The following ADARB2 variants were observed in gnomAD, a reference collection of about 807,000 sequenced individuals.
ADARB2 encodes the protein inactive double-stranded RNA-specific editase B2.
Under a neutral mutation model 62.2 loss-of-function variants are expected in ADARB2, and 25 were observed. That is an observed-to-expected ratio of 0.40 (90% CI 0.29 to 0.56). ADARB2 has a LOEUF of 0.56. ADARB2 is among the 20% of genes least tolerant of loss of function. The pLI is 0.43. For synonymous variants in ADARB2, 572 were observed against 500.8 expected (o/e 1.14, Z -1.90); for missense variants, 1,071 against 1,077.4 (o/e 0.99, Z 0.08).
At chr10:1,654,774 A>C (rs551358308) in intron 1 of ADARB2, among the ~76,000 whole-genome samples, 49 of 152,352 alleles carry the variant, frequency 3.2e-4, no homozygotes, top group Non-Finnish European at 5.4e-4. Context: ...CGACTCTACC[A>C]GGTTGGCCCT....
At chr10:1,683,542 A>G (rs11250726) in intron 1 of ADARB2, among the ~76,000 whole-genome samples, 25,824 of 152,066 alleles carry the variant, frequency 0.17, 2,422 homozygotes, top group African/African-American at 0.25. Context: ...CAGGGAGTGG[A>G]GTCTGTTTGC....
chr10:1,524,555 C>T (rs748188430), intron 1 of ADARB2, among the ~76,000 whole-genome samples: 5 of 152,180 alleles, frequency 3.3e-5, no homozygotes, highest in African/African-American at 7.2e-5. Flanking sequence ...AGCAACAGCC[C>T]TAATGAAAAA....
At chr10:1,376,504 G>C (rs180866551) in intron 2 of ADARB2, among the ~76,000 whole-genome samples, 3 of 152,316 alleles carry the variant, frequency 2.0e-5, no homozygotes, top group East Asian at 3.9e-4. Flanking sequence ...GCCCAGTGTG[G>C]GGGTTCTTAT....
chr10:1,482,127 C>T (rs1008425997), intron 1 of ADARB2, among the ~76,000 whole-genome samples: 10 of 152,190 alleles, frequency 6.6e-5, no homozygotes, highest in Non-Finnish European at 1.3e-4. Context: ...GAAACTGAAA[C>T]TTGTAAATTG....
intron 1 of ADARB2, among the ~76,000 whole-genome samples, chr10:1,504,810 G>A (rs1318387727): frequency 1.3e-5 from 2 of 152,178 alleles, no homozygotes; most frequent in African/African-American, 4.8e-5. Flanking sequence ...CAAGGGGGTA[G>A]TTGTTGCCGG....
chr10:1,395,766 G>A lies in ADARB2; in HGVS notation c.101-16606C>T, dbSNP rs1019583246. On this transcript the variant is annotated intron_variant, in intron 1 of 9. Coordinates refer to ENST00000381312, the MANE Select transcript of ADARB2 (RefSeq NM_018702.4). Reference sequence around the variant, plus strand: ...ACAAGGACCGGGAGTGCAGCAGGGTGGGGGGCTGCCCTCCTGTGATGGCCA... The same window carrying A: ...ACAAGGACCGGGAGTGCAGCAGGGTAGGGGGCTGCCCTCCTGTGATGGCCA... 5.3e-5 allele frequency among the ~76,000 whole-genome samples: 8 copies of A among 152,184 alleles called. 1 individual carries two copies. Among genetic ancestry groups the A allele is most frequent in the African/African-American group, 1.2e-4 (5 of 41,444 alleles).
At chr10:1,408,949 T>C (rs987565091) in intron 1 of ADARB2, among the ~76,000 whole-genome samples, 1 of 152,158 alleles carries the variant, frequency 6.6e-6, no homozygotes, top group Non-Finnish European at 1.5e-5. Flanking sequence ...CTGGCCGGGT[T>C]GTGTTCCAGA....
intron 1 of ADARB2, among the ~76,000 whole-genome samples, chr10:1,572,433 G>A (rs1221926306): frequency 6.6e-6 from 1 of 152,184 alleles, no homozygotes; most frequent in Non-Finnish European, 1.5e-5. Context: ...ATGGCTGCAG[G>A]AGGCTCTTCA....
chr10:1,240,931 G>A (rs185339699), intron 5 of ADARB2, among the ~76,000 whole-genome samples: 7 of 152,342 alleles, frequency 4.6e-5, no homozygotes, highest in Admixed American at 4.6e-4. Flanking sequence ...GGAACTGAGG[G>A]ATGGGTTCAA....
At chr10:1,734,506 G>A (rs182923384) in intron 1 of ADARB2, among the ~76,000 whole-genome samples, 63 of 152,274 alleles carry the variant, frequency 4.1e-4, no homozygotes, top group African/African-American at 1.4e-3. Flanking sequence ...TCATGCCAAA[G>A]TCACTCTCAG....
chr10:1,372,028 A>C (rs1588235849), intron 2 of ADARB2, among the ~76,000 whole-genome samples: 1 of 152,218 alleles, frequency 6.6e-6, no homozygotes. Flanking sequence ...TCACCTCAGC[A>C]CTATTGACAA....
intron 4 of ADARB2, among the ~76,000 whole-genome samples, chr10:1,244,662 C>T (rs566638410): frequency 1.6e-4 from 25 of 152,250 alleles, no homozygotes; most frequent in East Asian, 1.9e-4. Context: ...GGAGATGACG[C>T]GGTCAGAAAC....
rs1046195384 is a variant in ADARB2 at position 1,334,021 on chromosome 10, A to G, written c.1077+29007T>C. 1.1e-4 allele frequency among the ~76,000 whole-genome samples: 16 copies of G among 152,374 alleles called. No homozygotes were observed. The Middle Eastern group carries it at 0.01, about 97-fold the overall frequency. On this transcript the variant is annotated intron_variant, in intron 3 of 9. Transcript: ENST00000381312. ...CAGGTTACTCAGACAGGCCGGAACA[A>G]CTAGACTGGACACACAATGAAGGTT...
At chr10:1,661,528 C>G (rs1834247942) in intron 1 of ADARB2, among the ~76,000 whole-genome samples, 1 of 152,286 alleles carries the variant, frequency 6.6e-6, no homozygotes, top group East Asian at 1.9e-4. Flanking sequence ...GAAGAGGCAG[C>G]TAGGGTTGGG....
At position 1,178,706 on chromosome 10, in the gene ADARB2, C is replaced by T. The variant is rs1836622562; in HGVS notation, c.*4487G>A. 6.6e-6 allele frequency: 1 copy of T among 152,194 alleles called. No homozygotes were observed. Among genetic ancestry groups the T allele is most frequent in the African/African-American group, 2.4e-5 (1 of 41,434 alleles). The allele number at this position is 152,194 out of a possible 1,614,324, so 9.4% of individuals were successfully genotyped here. A position where few individuals can be genotyped will look rare whatever the true frequency, so the allele number is the denominator to read the frequency against. ...CTGCCTCTCCTGCAACACAGGGCTT[C>T]TAAATTTCCACCTCCAACCGCGAGC... On this transcript the variant is annotated 3_prime_UTR_variant, in exon 10 of 10. Transcript: ENST00000381312.
At chr10:1,263,738 C>T (rs1288530158) in intron 4 of ADARB2, among the ~76,000 whole-genome samples, 6 of 152,156 alleles carry the variant, frequency 3.9e-5, no homozygotes, top group Admixed American at 2.0e-4. Context: ...ATTTAACTCA[C>T]GGCCAGGGCT....
intron 3 of ADARB2, among the ~76,000 whole-genome samples, chr10:1,300,130 T>C (rs1831560292): frequency 6.6e-6 from 1 of 152,210 alleles, no homozygotes; most frequent in Non-Finnish European, 1.5e-5. Context: ...CCTGTTTTGG[T>C]GCTTTTGGGA....
intron 1 of ADARB2, among the ~76,000 whole-genome samples, chr10:1,672,160 G>A (rs916017779): frequency 6.6e-6 from 1 of 151,894 alleles, no homozygotes; most frequent in Non-Finnish European, 1.5e-5. Context: ...CAGCGGGTGT[G>A]GACAGCCTGC....
intron 1 of ADARB2, among the ~76,000 whole-genome samples, chr10:1,520,617 A>C (rs985234331): frequency 3.9e-5 from 6 of 152,186 alleles, no homozygotes; most frequent in African/African-American, 1.4e-4. Flanking sequence ...ACTTTTTGAC[A>C]TTTCAATACA....
Sources: allele counts gnomAD v4.1 joint callset (sites outside exome capture counted in the v4.1 genomes callset), GRCh38; gene constraint gnomAD v4.1.1; transcripts MANE v1.5; gene names NCBI Gene and HGNC (gene_info 2026-07-23, HGNC 2026-07-21).